Variants in KLHL29 observed in about 807,000 individuals in gnomAD.
KLHL29 encodes kelch like family member 29.
Under a neutral mutation model 80.4 loss-of-function variants are expected in KLHL29, and 21 were observed. The observed-to-expected ratio is 0.26, with a 90% CI of 0.19 to 0.38. KLHL29 has a LOEUF of 0.38. Among genes scored for constraint, KLHL29 ranks in the 10% least tolerant of loss-of-function variants. The probability of loss-of-function intolerance (pLI) is 1.00; values close to 1 mark genes in which losing one functional copy is unlikely to be tolerated. For synonymous variants in KLHL29, 511 were observed against 526.8 expected (o/e 0.97, Z 0.41); for missense variants, 867 against 1,223.9 (o/e 0.71, Z 4.35).
chr2:23,533,637 T>C (rs1377225698), intron 2 of KLHL29, among the ~76,000 whole-genome samples: 1 of 151,992 alleles, frequency 6.6e-6, no homozygotes, highest in African/African-American at 2.4e-5. Context: ...GGGTGCGGCG[T>C]TTGGGCTGGG....
intron 3 of KLHL29, among the ~76,000 whole-genome samples, chr2:23,609,378 A>G (rs1324159253): frequency 6.6e-6 from 1 of 152,040 alleles, no homozygotes; most frequent in African/African-American, 2.4e-5. Context: ...GCTTGTGAGG[A>G]CTGAAAAGTC....
At chr2:23,392,294 TTA>T (rs1209934682) in intron 1 of KLHL29, among the ~76,000 whole-genome samples, 1 of 152,236 alleles carries the variant, frequency 6.6e-6, no homozygotes, top group Admixed American at 6.5e-5. Flanking sequence ...TGTATATATA[TTA>T]TGTTCTGTAA....
chr2:23,409,361 C>T (rs1666808611), intron 1 of KLHL29, among the ~76,000 whole-genome samples: 1 of 152,194 alleles, frequency 6.6e-6, no homozygotes, highest in South Asian at 2.1e-4. Flanking sequence ...TTCTCCTACC[C>T]TGATTCTTCC....
At chr2:23,601,492 C>T (rs1668571497) in intron 3 of KLHL29, among the ~76,000 whole-genome samples, 1 of 152,154 alleles carries the variant, frequency 6.6e-6, no homozygotes, top group Non-Finnish European at 1.5e-5. Flanking sequence ...CTGTGGTTTG[C>T]CACAGGAAAG....
At chr2:23,532,982 C>A (rs1028849290) in intron 2 of KLHL29, among the ~76,000 whole-genome samples, 2 of 152,094 alleles carry the variant, frequency 1.3e-5, no homozygotes, top group African/African-American at 4.8e-5. Flanking sequence ...GTTCCCTCTA[C>A]GTCTCTGCAA....
intron 3 of KLHL29, among the ~76,000 whole-genome samples, chr2:23,630,763 C>G (rs1348012481): frequency 1.3e-5 from 2 of 152,206 alleles, no homozygotes; most frequent in Non-Finnish European, 2.9e-5. Flanking sequence ...ACTGAGATTT[C>G]AGGCATGAGC....
chr2:23,469,405 G>T (rs1024603302), intron 1 of KLHL29, among the ~76,000 whole-genome samples: 1 of 152,232 alleles, frequency 6.6e-6, no homozygotes, highest in Non-Finnish European at 1.5e-5. Flanking sequence ...TGCCTCATGG[G>T]GTTCGTGTGG....
chr2:23,575,203 G>A (rs1431663615), intron 3 of KLHL29, among the ~76,000 whole-genome samples: 2 of 152,240 alleles, frequency 1.3e-5, no homozygotes, highest in African/African-American at 4.8e-5. Context: ...CACCAGAGCC[G>A]TGGAGGAGCG....
intron 2 of KLHL29, among the ~76,000 whole-genome samples, chr2:23,520,865 T>G (rs7602557): frequency 6.6e-6 from 1 of 151,994 alleles, no homozygotes; most frequent in Admixed American, 6.6e-5. Context: ...ATCTGTCTTT[T>G]CTCCCCAAAT....
In KLHL29 at chr2:23,682,950, G is replaced by C. The variant is rs979401885; in HGVS notation, c.941-1449G>C. Among the ~76,000 whole-genome samples the C allele has an allele frequency of 1.3e-5, 2 of 152,218 alleles. No homozygotes were observed. Among genetic ancestry groups the C allele is most frequent in the African/African-American group, 4.8e-5 (2 of 41,444 alleles). ...ACCCCGATCCCTGAACATGCATGTG[G>C]CGTGTTCTCCAGGAGCCCCTCCCAC... is the stretch of plus-strand genomic sequence containing the variant. On this transcript the variant is annotated intron_variant, in intron 5 of 13. Coordinates refer to ENST00000486442, the MANE Select transcript of KLHL29 (RefSeq NM_052920.2). The surrounding 1 kb of genome is among the most constrained non-coding windows in gnomAD (Gnocchi z 4.1).
Position 23,708,573 on chromosome 2 carries a change from GTTATA to G in KLHL29, c.*1915_*1919del, listed in dbSNP as rs1344466151. On this transcript the variant is annotated 3_prime_UTR_variant, in exon 14 of 14. Transcript: ENST00000486442. ...AGTATATGTTTACTGTTAAGTTCTT[GTTATA>G]TTATAATAAATATATTTATAGATCT... 8 of 152,150 alleles carry G rather than the reference GTTATA, an allele frequency of 5.3e-5. No homozygotes were observed. The South Asian group carries it at 6.2e-4, about 12-fold the overall frequency. 9.4% of individuals were successfully genotyped at this position (152,150 alleles called of 1,614,324 possible).
intron 3 of KLHL29, among the ~76,000 whole-genome samples, chr2:23,612,855 A>C (rs1668901840): frequency 6.6e-6 from 1 of 152,246 alleles, no homozygotes; most frequent in Non-Finnish European, 1.5e-5. Flanking sequence ...AGCAATGAAA[A>C]GCAACAAAAA....
chr2:23,624,572 CT>C (rs1207087425), intron 3 of KLHL29, among the ~76,000 whole-genome samples: 4 of 152,180 alleles, frequency 2.6e-5, no homozygotes, highest in African/African-American at 9.7e-5. Flanking sequence ...GGTCGTGATG[CT>C]TTGGTCTCAC....
chr2:23,504,813 C>G (rs1171358487), intron 2 of KLHL29, among the ~76,000 whole-genome samples: 1 of 152,222 alleles, frequency 6.6e-6, no homozygotes, highest in Admixed American at 6.5e-5. Flanking sequence ...TGCTCAGGGG[C>G]CTTGTGTGCC....
In KLHL29 at chr2:23,417,239, C is replaced by T. The variant is rs114067730; in HGVS notation, c.-154+31459C>T. Among the ~76,000 whole-genome samples the T allele has an allele frequency of 3.5e-3, 526 of 152,250 alleles. 3 individuals carry two copies. The highest frequency in any genetic ancestry group is 0.012 in the African/African-American group (508 of 41,538). ...CATCTCCTGGCCTCTGAGCTTTTCC[C>T]TGCCCATTCATTCTCCATCCAGAGC... On this transcript the variant is annotated intron_variant, in intron 1 of 13. Coordinates refer to ENST00000486442, the MANE Select transcript of KLHL29 (RefSeq NM_052920.2).
chr2:23,621,338 A>G (rs1669177830), intron 3 of KLHL29, among the ~76,000 whole-genome samples: 1 of 152,228 alleles, frequency 6.6e-6, no homozygotes, highest in African/African-American at 2.4e-5. Context: ...GAGGCCTAGC[A>G]GGGAGAAGCC....
intron 8 of KLHL29, among the ~76,000 whole-genome samples, chr2:23,694,104 T>G (rs1478359219): frequency 6.6e-6 from 1 of 152,252 alleles, no homozygotes; most frequent in African/African-American, 2.4e-5. Flanking sequence ...CTCCCAGATC[T>G]GTGTCTCAGG....
At chr2:23,421,717 G>A (rs1382392363) in intron 1 of KLHL29, among the ~76,000 whole-genome samples, 1 of 150,312 alleles carries the variant, frequency 6.7e-6, no homozygotes, top group Non-Finnish European at 1.5e-5. Flanking sequence ...GTGTCTGTTA[G>A]TGTGTCTCTG....
Position 23,706,822 on chromosome 2 carries a change from A to G in KLHL29, c.*158A>G. 1.8e-6 allele frequency: 1 copy of G among 560,964 alleles called. No homozygotes were observed. The highest frequency in any genetic ancestry group is 3.0e-6 in the Non-Finnish European group (1 of 338,324). 34.7% of individuals were successfully genotyped at this position (560,964 alleles called of 1,614,324 possible). On this transcript the variant is annotated 3_prime_UTR_variant, in exon 14 of 14. Transcript: ENST00000486442. ...GAATATTCTCTACATTGAATGTAGA[A>G]AATCATCCTCGCCTTTGGATGAAAC...
Sources: allele counts gnomAD v4.1 joint callset (sites outside exome capture counted in the v4.1 genomes callset), GRCh38; gene constraint gnomAD v4.1.1; non-coding constraint Gnocchi (gnomAD v3.1); transcripts MANE v1.5; gene names NCBI Gene and HGNC (gene_info 2026-07-23, HGNC 2026-07-21).